The following CPNE8 variants were observed in gnomAD, a reference collection of about 807,000 sequenced individuals.
CPNE8 encodes the protein copine-8.
In CPNE8, 45 loss-of-function variants were observed where a neutral mutation model predicts 81.5. The ratio of observed to expected loss-of-function variants is 0.55; its 90% CI spans 0.44 to 0.71. CPNE8 has a LOEUF of 0.71. Among genes scored for constraint, CPNE8 ranks in the 30% least tolerant of loss-of-function variants. The pLI is 0.00. For missense variants in CPNE8, 594 were observed against 672.1 expected, an observed-to-expected ratio of 0.88 and a Z score of 1.28; for synonymous variants, 252 against 226.3, an observed-to-expected ratio of 1.11 and a Z score of -1.02.
intron 15 of CPNE8, among the ~76,000 whole-genome samples, chr12:38,690,639 AG>A (rs1304661588): frequency 1.3e-5 from 2 of 152,154 alleles, no homozygotes. Context: ...TTTGGTTACA[AG>A]GGGTAAATGT....
chr12:38,903,389 A>C (rs1259522559), intron 1 of CPNE8, among the ~76,000 whole-genome samples: 1 of 152,196 alleles, frequency 6.6e-6, no homozygotes, highest in Non-Finnish European at 1.5e-5. Context: ...AATGTTATGA[A>C]AAAAAGCTGG....
chr12:38,799,644 A>T (rs1376830699), intron 6 of CPNE8, among the ~76,000 whole-genome samples: 1 of 152,138 alleles, frequency 6.6e-6, no homozygotes, highest in Non-Finnish European at 1.5e-5. Flanking sequence ...GAACTAGAAA[A>T]GTGGAGGAGT....
chr12:38,842,849 G>A (rs1943495902), intron 4 of CPNE8, among the ~76,000 whole-genome samples: 1 of 151,998 alleles, frequency 6.6e-6, no homozygotes, highest in South Asian at 2.1e-4. Context: ...AAAGTGCTGG[G>A]ATTACAGGCG....
In CPNE8 at chr12:38,777,805, C is replaced by A. The variant is rs141796819; in HGVS notation, c.408-1504G>T. On this transcript the variant is annotated intron_variant, in intron 6 of 19. Coordinates refer to ENST00000331366, the MANE Select transcript of CPNE8 (RefSeq NM_153634.3). The stretch of plus-strand genomic sequence containing the variant: ...TCTGCAACCCCAGGGCTGCAGAGCA[C>A]GAGATGAGTGGCAGGCACCAGCAAG... Among the ~76,000 whole-genome samples, 450 of 152,270 alleles carry A rather than the reference C, an allele frequency of 3.0e-3. 2 individuals are homozygous for A. The highest frequency in any genetic ancestry group is 4.5e-3 in the Non-Finnish European group (303 of 68,020).
At chr12:38,792,217 G>T (rs1169940126) in intron 6 of CPNE8, among the ~76,000 whole-genome samples, 1 of 150,184 alleles carries the variant, frequency 6.7e-6, no homozygotes, top group African/African-American at 2.4e-5. Flanking sequence ...CTAGGAAAAG[G>T]TAGGAGTAAT....
chr12:38,724,957 T>C (rs896376071), intron 11 of CPNE8, 58 bp from the exon 12 acceptor site: 12 of 1,392,748 alleles, frequency 8.6e-6, no homozygotes, highest in African/African-American at 1.4e-5. Context: ...AGTTTTATAT[T>C]GAATTTTTAA....
At chr12:38,827,817 T>C (rs990483439) in intron 6 of CPNE8, among the ~76,000 whole-genome samples, 6 of 152,194 alleles carry the variant, frequency 3.9e-5, no homozygotes, top group Admixed American at 2.0e-4. Context: ...TGGAGCCTAC[T>C]TGAGGGTGGA....
At chr12:38,654,214 A>C in intron 19 of CPNE8, 144 bp from the exon 20 acceptor site, 3 of 1,178,244 alleles carry the variant, frequency 2.5e-6, no homozygotes, top group Admixed American at 7.2e-5. Flanking sequence ...ATTATTATAC[A>C]TTTTTAAAAA....
intron 11 of CPNE8, among the ~76,000 whole-genome samples, chr12:38,729,805 G>A (rs1940789944): frequency 6.6e-6 from 1 of 152,028 alleles, no homozygotes; most frequent in African/African-American, 2.4e-5. Flanking sequence ...TAACTACAAT[G>A]TGTCTGCTTT....
chr12:38,706,980 T>G (rs1014001101), intron 13 of CPNE8, among the ~76,000 whole-genome samples: 1 of 152,150 alleles, frequency 6.6e-6, no homozygotes, highest in Non-Finnish European at 1.5e-5. Context: ...AGAAAAGTTA[T>G]GGCTATTTGC....
rs186885691 is a variant in CPNE8 at position 38,780,119 on chromosome 12, C to A, written c.408-3818G>T. Among the ~76,000 whole-genome samples, 368 of 152,106 alleles carry A rather than the reference C, an allele frequency of 2.4e-3. 2 individuals carry two copies. The highest frequency in any genetic ancestry group is 4.2e-3 in the Non-Finnish European group (287 of 67,950). On this transcript the variant is annotated intron_variant, in intron 6 of 19. Coordinates refer to ENST00000331366, the MANE Select transcript of CPNE8 (RefSeq NM_153634.3). ...TGTAAAGTAAGGGTCCAATTTAATT[C>A]TTTTGCATGTGGAAGTCTAGTTTTC...
At chr12:38,703,528 T>C (rs1592022242) in intron 13 of CPNE8, among the ~76,000 whole-genome samples, 1 of 152,182 alleles carries the variant, frequency 6.6e-6, no homozygotes, top group Non-Finnish European at 1.5e-5. Context: ...CTGGAAACAA[T>C]CCTCTTGAGA....
rs200595813 is a variant in CPNE8 at position 38,741,060 on chromosome 12, T to C, written c.723-10702A>G. 1.4e-4 allele frequency among the ~76,000 whole-genome samples: 21 copies of C among 152,284 alleles called. No homozygotes were observed. The East Asian group carries it at 3.1e-3, about 22-fold the overall frequency. ...CACAAACAAATGGAAGAACATTCCA[T>C]GCTCATGGATAGGAAGAATCAATAT... On this transcript the variant is annotated intron_variant, in intron 10 of 19. Transcript: ENST00000331366.
intron 15 of CPNE8, among the ~76,000 whole-genome samples, chr12:38,693,343 C>A (rs1434871321): frequency 6.6e-6 from 1 of 151,978 alleles, no homozygotes; most frequent in Non-Finnish European, 1.5e-5. Flanking sequence ...TCCTGAGGCA[C>A]AAATCATAAG....
chr12:38,695,132 C>T (rs374817236), intron 14 of CPNE8, among the ~76,000 whole-genome samples: 7 of 152,168 alleles, frequency 4.6e-5, no homozygotes, highest in African/African-American at 1.7e-4. Context: ...GACTATAAGA[C>T]CCTGACCGCT....
intron 3 of CPNE8, among the ~76,000 whole-genome samples, chr12:38,866,077 A>G (rs1943908582): frequency 6.6e-6 from 1 of 152,248 alleles, no homozygotes; most frequent in Non-Finnish European, 1.5e-5. Context: ...CAAGTGGATC[A>G]ATACAGTATT....
intron 1 of CPNE8, among the ~76,000 whole-genome samples, chr12:38,878,043 G>C (rs1472832261): frequency 6.6e-6 from 1 of 151,974 alleles, no homozygotes; most frequent in Non-Finnish European, 1.5e-5. Flanking sequence ...ACTCCCACCC[G>C]GGCCATGACA....
chr12:38,901,389 G>A (rs1944460100), intron 1 of CPNE8, among the ~76,000 whole-genome samples: 1 of 152,112 alleles, frequency 6.6e-6, no homozygotes, highest in Non-Finnish European at 1.5e-5. Flanking sequence ...GTGAAATAGT[G>A]CAACAAAATC....
At chr12:38,904,920 GC>G (rs1324671662) in intron 1 of CPNE8, among the ~76,000 whole-genome samples, 1 of 152,168 alleles carries the variant, frequency 6.6e-6, no homozygotes, top group African/African-American at 2.4e-5. Flanking sequence ...AAGGCAAAAA[GC>G]CCGGAAGGGT....
Sources: allele counts gnomAD v4.1 joint callset (sites outside exome capture counted in the v4.1 genomes callset), GRCh38; gene constraint gnomAD v4.1.1; transcripts MANE v1.5; gene names NCBI Gene and HGNC (gene_info 2026-07-23, HGNC 2026-07-21).